KATNIP: variants seen among roughly 807,000 people sequenced by gnomAD.
KATNIP encodes the protein katanin interacting protein.
Under a neutral mutation model 174.0 loss-of-function variants are expected in KATNIP, and 126 were observed. The ratio of observed to expected loss-of-function variants is 0.72; its 90% CI spans 0.63 to 0.84. The LOEUF (loss-of-function observed/expected upper bound fraction) is 0.84, where lower values mean the gene tolerates loss of function less well. Ranked by LOEUF, KATNIP falls within the 40% of genes least tolerant of loss-of-function variation. The pLI, the probability that KATNIP is intolerant of heterozygous loss-of-function variation, is 0.00. For missense variants in KATNIP, 1,958 were observed against 2,109.7 expected, an observed-to-expected ratio of 0.93 and a Z score of 1.41; for synonymous variants, 810 against 835.7, an observed-to-expected ratio of 0.97 and a Z score of 0.53.
intron 2 of KATNIP, among the ~76,000 whole-genome samples, chr16:27,587,462 G>A (rs1210993774): frequency 6.6e-6 from 1 of 152,190 alleles, no homozygotes; most frequent in African/African-American, 2.4e-5. Flanking sequence ...ATTAGAAAAT[G>A]CAGAAAGGTA....
Position 27,740,225 on chromosome 16 carries a change from C to T in KATNIP, c.1928C>T (p.Thr643Ile), listed in dbSNP as rs764230132. 3 of 1,614,216 alleles carry T rather than the reference C, an allele frequency of 1.9e-6. No individual in the cohort carries two copies. In the South Asian group the frequency reaches 3.3e-5, roughly 18 times the overall value. ...MNAHSEESKG[T>I]HEMAGASGDK... The stretch of plus-strand genomic sequence containing the variant: ...GCTCACTCGGAAGAAAGCAAAGGCA[C>T]CCATGAGATGGCTGGTGCCAGCGGG... The change falls in exon 15 of 28, where the codon ACC becomes ATC. Residue 643 changes from threonine (T) to isoleucine (I), a missense_variant. Coordinates refer to ENST00000261588, the MANE Select transcript of KATNIP (RefSeq NM_015202.5).
chr16:27,594,291 T>G (rs1483051609), intron 2 of KATNIP, among the ~76,000 whole-genome samples: 1 of 151,700 alleles, frequency 6.6e-6, no homozygotes, highest in African/African-American at 2.4e-5. Flanking sequence ...TTGTTCCTGG[T>G]CTGTCTGATG....
At chr16:27,705,763 AACTCCTTGCTC>A (rs2079273478) in intron 12 of KATNIP, among the ~76,000 whole-genome samples, 1 of 151,976 alleles carries the variant, frequency 6.6e-6, no homozygotes, top group Admixed American at 6.6e-5. Context: ...TGCAGCCTTG[AACTCCTTGCTC>A]ACTCGATCCT....
intron 2 of KATNIP, among the ~76,000 whole-genome samples, chr16:27,600,250 G>T (rs2075472485): frequency 6.6e-6 from 1 of 152,188 alleles, no homozygotes; most frequent in African/African-American, 2.4e-5. Flanking sequence ...TCGGGGAGGG[G>T]ACCAGGGTCA....
At chr16:27,628,564 G>A (rs2076395939) in intron 3 of KATNIP, 97 bp from the exon 4 acceptor site, 2 of 1,306,366 alleles carry the variant, frequency 1.5e-6, no homozygotes, top group East Asian at 2.3e-5. Flanking sequence ...GATTAGAGAC[G>A]CTTCACTGTG....
intron 2 of KATNIP, among the ~76,000 whole-genome samples, chr16:27,590,592 G>A (rs752469050): frequency 3.3e-5 from 5 of 151,962 alleles, no homozygotes; most frequent in Non-Finnish European, 5.9e-5. Flanking sequence ...TTTTCTTTCT[G>A]GCTACGTCCT....
intron 5 of KATNIP, among the ~76,000 whole-genome samples, chr16:27,645,409 C>G (rs1368773793): frequency 2.0e-5 from 3 of 152,212 alleles, no homozygotes; most frequent in Non-Finnish European, 4.4e-5. Context: ...TTCCAGGAAT[C>G]ACGTAGCATG....
At chr16:27,633,050 GA>G (rs1156255465) in intron 5 of KATNIP, among the ~76,000 whole-genome samples, 1 of 151,934 alleles carries the variant, frequency 6.6e-6, no homozygotes, top group East Asian at 1.9e-4. Flanking sequence ...GCGCCCGGCC[GA>G]AAAGGGCTGG....
chr16:27,754,308 G>T, intron 18 of KATNIP, 57 bp downstream of exon 18: 2 of 1,467,268 alleles, frequency 1.4e-6, no homozygotes, highest in Non-Finnish European at 9.5e-7. Flanking sequence ...AGGGACAGGG[G>T]GAGTTGTGGC....
intron 21 of KATNIP, among the ~76,000 whole-genome samples, chr16:27,770,335 G>A (rs1452566160): frequency 1.3e-5 from 2 of 152,214 alleles, no homozygotes; most frequent in Non-Finnish European, 1.5e-5. Context: ...TTGGGGAAGG[G>A]CCTTCCTTCT....
At chr16:27,568,397 C>T (rs1490291691) in intron 1 of KATNIP, among the ~76,000 whole-genome samples, 4 of 152,126 alleles carry the variant, frequency 2.6e-5, no homozygotes, top group Non-Finnish European at 5.9e-5. Flanking sequence ...ATTGCTAGCT[C>T]AAAGGAAAAA....
rs139475287 is a variant in KATNIP, at chr16:27,740,813, A to G, written c.2516A>G (p.Asp839Gly). Residue 839 changes from aspartate (D) to glycine (G), a missense_variant, in exon 15 of 28, where the codon GAC becomes GGC. Around this residue, in one of 3 missense-constraint regions of KATNIP, gnomAD observed 1,557 missense variants for 1,617.8 expected, o/e 0.96. Coordinates refer to ENST00000261588, the MANE Select transcript of KATNIP (RefSeq NM_015202.5). ...ACCAAAGTCCACAGTGATGACTCAG[A>G]CATCTTTAACCAGCCCCCCAACAGA... ...ATTKVHSDDS[D>G]IFNQPPNRER... 15,985 of 1,614,066 alleles carry G rather than the reference A, an allele frequency of 9.9e-3. 366 individuals carry two copies. Among genetic ancestry groups the G allele is most frequent in the Non-Finnish European group, 7.9e-3 (9,377 of 1,179,950 alleles).
At chr16:27,695,843 C>G (rs1285172328) in intron 8 of KATNIP, among the ~76,000 whole-genome samples, 1 of 152,140 alleles carries the variant, frequency 6.6e-6, no homozygotes, top group South Asian at 2.1e-4. Flanking sequence ...ACCTCCCCTC[C>G]CCGCCCCAAT....
rs541965688 is a variant in KATNIP at position 27,654,733 on chromosome 16, G to T, written c.540+5998G>T. 1.8e-5 allele frequency: 24 copies of T among 1,352,018 alleles called. No homozygotes were observed. The Admixed American group carries it at 4.6e-4, about 26-fold the overall frequency. 83.8% of individuals were successfully genotyped at this position (1,352,018 alleles called of 1,614,324 possible). A position where few individuals can be genotyped will look rare whatever the true frequency, so the allele number is the denominator to read the frequency against. ...GGATCCTCTTAACTATTCAGGATGT[G>T]ATGGTAAGATCAGTTTTCAGCATCC... is the stretch of plus-strand genomic sequence containing the variant. On this transcript the variant is annotated intron_variant, in intron 6 of 27. Transcript: ENST00000261588.
intron 6 of KATNIP, chr16:27,654,667 A>G (rs772233815): frequency 1.5e-6 from 2 of 1,351,504 alleles, no homozygotes; most frequent in East Asian, 4.6e-5. Flanking sequence ...TTCTGAATGC[A>G]TGTGGACATT....
At chr16:27,727,143 G>A (rs951431919) in intron 14 of KATNIP, 6 of 173,638 alleles carry the variant, frequency 3.5e-5, no homozygotes, top group Middle Eastern at 4.9e-4. Context: ...TGTCATCGCC[G>A]GAGGCTTGTT....
Position 27,698,514 on chromosome 16 carries a change from T to A in KATNIP, c.1113+14T>A. ...AGCCCACTGCAGGTGCGCTCCGGGC[T>A]GGGAGAGGAACCGGGGGATGCTCCC... On this transcript the variant is annotated intron_variant, in intron 9 of 27. Transcript: ENST00000261588. The A allele has an allele frequency of 1.3e-6, 2 of 1,595,102 alleles. No homozygotes were observed. The highest frequency in any genetic ancestry group is 1.7e-6 in the Non-Finnish European group (2 of 1,169,240).
At chr16:27,746,579 C>T (rs1408713419) in intron 15 of KATNIP, among the ~76,000 whole-genome samples, 1 of 152,202 alleles carries the variant, frequency 6.6e-6, no homozygotes, top group Non-Finnish European at 1.5e-5. Flanking sequence ...TTCCACACAC[C>T]AGGAGCTGTG....
intron 13 of KATNIP, among the ~76,000 whole-genome samples, chr16:27,712,449 A>G (rs1223332120): frequency 6.6e-6 from 1 of 152,190 alleles, no homozygotes; most frequent in Non-Finnish European, 1.5e-5. Context: ...CATTTTACCA[A>G]TGAGAGAAAA....
Sources: allele counts gnomAD v4.1 joint callset (sites outside exome capture counted in the v4.1 genomes callset), GRCh38; gene constraint gnomAD v4.1.1; regional missense constraint gnomAD v4.1.1; transcripts MANE v1.5; gene names NCBI Gene and HGNC (gene_info 2026-07-23, HGNC 2026-07-21).